The following TSPEAR variants were observed in gnomAD, a reference collection of about 807,000 sequenced individuals.
The protein encoded by TSPEAR is thrombospondin type laminin G domain and EAR repeats.
A neutral mutation model predicts 71.6 loss-of-function variants in TSPEAR; 69 were observed. That is an observed-to-expected ratio of 0.96 (90% CI 0.79 to 1.18). TSPEAR has a LOEUF of 1.18. Ranked by LOEUF, TSPEAR falls within the 50% of genes most tolerant of loss-of-function variation. The probability of loss-of-function intolerance (pLI) is 0.00; values close to 1 mark genes in which losing one functional copy is unlikely to be tolerated. For synonymous variants in TSPEAR, 402 were observed against 387.2 expected (o/e 1.04, Z -0.45); for missense variants, 971 against 894.9 (o/e 1.09, Z -1.09).
At chr21:44,530,943 G>A in intron 4 of TSPEAR, 100 bp downstream of exon 4, 3 of 942,446 alleles carry the variant, frequency 3.2e-6, no homozygotes. Flanking sequence ...TTCCCAGTTA[G>A]CACGTCCAAG....
chr21:44,523,694 T>C (rs987157313), intron 8 of TSPEAR, among the ~76,000 whole-genome samples: 6 of 150,244 alleles, frequency 4.0e-5, no homozygotes, highest in African/African-American at 1.2e-4. Context: ...GCCAGTCAGA[T>C]AGGCAGGTAG....
intron 1 of TSPEAR, chr21:44,658,309 C>T (rs1985289184): frequency 6.3e-7 from 1 of 1,586,852 alleles, no homozygotes; most frequent in Non-Finnish European, 8.6e-7. Flanking sequence ...CACCTGTATC[C>T]CTCCGTGAAT....
intron 1 of TSPEAR, among the ~76,000 whole-genome samples, chr21:44,660,255 A>G (rs1284743405): frequency 6.6e-6 from 1 of 152,234 alleles, no homozygotes; most frequent in Admixed American, 6.5e-5. Flanking sequence ...AAATACATAA[A>G]GTCCCATATC....
chr21:44,656,969 G>A (rs1485192808), intron 1 of TSPEAR, among the ~76,000 whole-genome samples: 4 of 151,960 alleles, frequency 2.6e-5, no homozygotes, highest in Admixed American at 1.3e-4. Context: ...ATGGGATTCT[G>A]ATGCTTGGTT....
intron 1 of TSPEAR, chr21:44,654,190 G>A (rs1984980559): frequency 2.7e-6 from 3 of 1,094,886 alleles, no homozygotes; most frequent in African/African-American, 1.5e-5. Context: ...TTTGCTGTGG[G>A]AGGATGTGGG....
chr21:44,573,781 T>A lies in TSPEAR; in HGVS notation c.83-5776A>T, dbSNP rs782460117. ...ACCATGTCCGTCTGCTCCAGCGACC[T>A]GAGCTACAGCAGCCGCGTCTGCCTT... On this transcript the variant is annotated intron_variant, in intron 1 of 11. Coordinates refer to ENST00000323084, the MANE Select transcript of TSPEAR (RefSeq NM_144991.3). 12 of 1,613,772 alleles carry A rather than the reference T, an allele frequency of 7.4e-6. No homozygotes were observed. In the South Asian group the frequency reaches 1.2e-4, roughly 16 times the overall value.
chr21:44,672,185 T>C (rs781808118), intron 1 of TSPEAR, among the ~76,000 whole-genome samples: 1 of 152,132 alleles, frequency 6.6e-6, no homozygotes, highest in Non-Finnish European at 1.5e-5. Context: ...AAACAAAGCC[T>C]ATGTAACATA....
chr21:44,701,024 A>G (rs8132352), intron 1 of TSPEAR, among the ~76,000 whole-genome samples: 111,115 of 152,096 alleles, frequency 0.73, 40,976 homozygotes, highest in Middle Eastern at 0.85. Context: ...CCCCCCAGAC[A>G]ATGTCCCTAC....
intron 10 of TSPEAR, among the ~76,000 whole-genome samples, chr21:44,507,718 T>C (rs1469559537): frequency 6.6e-6 from 1 of 152,240 alleles, no homozygotes; most frequent in Non-Finnish European, 1.5e-5. Context: ...TAATCACAAT[T>C]CATTCTCCAA....
In TSPEAR at chr21:44,528,344, A is replaced by G. The variant is rs1221357054; in HGVS notation, c.922+108T>C. The G allele has an allele frequency of 5.4e-6, 8 of 1,492,042 alleles. No homozygotes were observed. The East Asian group carries it at 1.8e-4, about 34-fold the overall frequency. The allele number at this position is 1,492,042 out of a possible 1,614,324, so 92.4% of individuals were successfully genotyped here. On this transcript the variant is annotated intron_variant, in intron 6 of 11. Coordinates refer to ENST00000323084, the MANE Select transcript of TSPEAR (RefSeq NM_144991.3). ...TGCCCCAGCCTGACGGCCAAGCCTG[A>G]GGTCATTCAGAGGTGGCTGAGGTGC... is the stretch of plus-strand genomic sequence containing the variant.
chr21:44,606,426 A>G (rs1478279203), intron 1 of TSPEAR, among the ~76,000 whole-genome samples: 4 of 152,204 alleles, frequency 2.6e-5, no homozygotes, highest in South Asian at 2.1e-4. Context: ...GTTGGTGGGA[A>G]TCTAAATTAG....
intron 1 of TSPEAR, among the ~76,000 whole-genome samples, chr21:44,639,669 G>C (rs1475581056): frequency 2.6e-5 from 4 of 152,342 alleles, no homozygotes; most frequent in African/African-American, 9.6e-5. Flanking sequence ...AGGTCTCCGG[G>C]GCCATCCTCG....
At chr21:44,697,039 C>T in intron 1 of TSPEAR, 1 of 1,057,302 alleles carries the variant, frequency 9.5e-7, no homozygotes, top group East Asian at 2.9e-5. Flanking sequence ...CACTCACTCC[C>T]TCCCTCCTGC....
chr21:44,628,815 C>A (rs1983073445), intron 1 of TSPEAR, among the ~76,000 whole-genome samples: 1 of 152,196 alleles, frequency 6.6e-6, no homozygotes, highest in African/African-American at 2.4e-5. Context: ...CTTGGCCATC[C>A]TGGCCTCCTG....
chr21:44,615,020 C>T (rs587613333), intron 1 of TSPEAR, among the ~76,000 whole-genome samples: 6 of 152,304 alleles, frequency 3.9e-5, no homozygotes, highest in African/African-American at 1.4e-4. Flanking sequence ...GCTCACCGGA[C>T]GTGGCAGGCA....
At chr21:44,664,292 C>A (rs746331495) in intron 1 of TSPEAR, among the ~76,000 whole-genome samples, 1 of 151,952 alleles carries the variant, frequency 6.6e-6, no homozygotes, top group South Asian at 2.1e-4. Flanking sequence ...AATATACTAG[C>A]AATGAACAAT....
intron 1 of TSPEAR, chr21:44,627,572 C>T: frequency 6.2e-7 from 1 of 1,613,408 alleles, no homozygotes. Context: ...TGTGCCTCTT[C>T]CTCCTGCCAG....
chr21:44,666,620 G>A (rs1555944799), intron 1 of TSPEAR: 1 of 1,614,156 alleles, frequency 6.2e-7, no homozygotes, highest in East Asian at 2.2e-5. Flanking sequence ...TGGGCCTGCA[G>A]CTCACAGGCA....
At chr21:44,530,563 C>A (rs2052948816) in intron 4 of TSPEAR, among the ~76,000 whole-genome samples, 1 of 152,260 alleles carries the variant, frequency 6.6e-6, no homozygotes. Flanking sequence ...ATCTGCCCAT[C>A]CATCTGTCAA....
Sources: gnomAD v4.1 joint callset for allele counts (sites outside exome capture counted in the v4.1 genomes callset) on GRCh38, gnomAD v4.1.1 for gene constraint, MANE v1.5 for transcripts, NCBI Gene and HGNC (gene_info 2026-07-23, HGNC 2026-07-21) for gene names.